RFNG: variants seen among roughly 807,000 people sequenced by gnomAD.
RFNG encodes beta-1,3-N-acetylglucosaminyltransferase radical fringe.
Under a neutral mutation model 29.6 loss-of-function variants are expected in RFNG, and 37 were observed. That is an observed-to-expected ratio of 1.25 (90% CI 0.96 to 1.65). RFNG has a LOEUF of 1.65. Among genes scored for constraint, RFNG ranks in the 40% most tolerant of loss-of-function variants. The pLI, the probability that RFNG is intolerant of heterozygous loss-of-function variation, is 0.00. For synonymous variants in RFNG, 276 were observed against 197.3 expected (o/e 1.40, Z -3.34); for missense variants, 546 against 457.0 (o/e 1.19, Z -1.78).
Position 82,049,753 on chromosome 17 carries a change from C to A in RFNG, c.752G>T (p.Arg251Leu). 2.0e-6 allele frequency: 3 copies of A among 1,521,600 alleles called. No individual in the cohort carries two copies. The highest frequency in any genetic ancestry group is 2.7e-5 in the South Asian group (2 of 75,368). 94.3% of individuals were successfully genotyped at this position (1,521,600 alleles called of 1,614,324 possible). A position where few individuals can be genotyped will look rare whatever the true frequency, so the allele number is the denominator to read the frequency against. Residue 251 changes from arginine (R) to leucine (L), a missense_variant, in exon 6 of 8, where the codon CGC becomes CTC. Physicochemically the swap from Arg to Leu is moderately radical, Grantham distance 102. Transcript: ENST00000310496. ...GYIVEGLLGA[R>L]LLHSPLFHSH... The stretch of plus-strand genomic sequence containing the variant: ...GTGGAAGAGGGGGCTGTGCAGCAGG[C>A]GGGCGCCCAGGAGCCCCTCCACGAT...
chr17:82,050,281 G>T, intron 4 of RFNG, 121 bp downstream of exon 4: 2 of 1,204,876 alleles, frequency 1.7e-6, no homozygotes, highest in South Asian at 1.5e-5. Context: ...CACCTGGGTG[G>T]ATCAGCTTGG....
Position 82,049,809 on chromosome 17 carries a change from C to T in RFNG, c.696G>A (p.Val232=), listed in dbSNP as rs2030166850. Residue 232 remains valine, a synonymous_variant, in exon 6 of 8, where the codon GTG becomes GTA. Coordinates refer to ENST00000310496, the MANE Select transcript of RFNG (RefSeq NM_002917.2). Reference sequence around the variant, plus strand: ...CAACTGTGCAGTCATCCGGCAGCCGCACCTGCTCAGCTGTGCTCATGAAGC... The same window carrying T: ...CAACTGTGCAGTCATCCGGCAGCCGTACCTGCTCAGCTGTGCTCATGAAGC... ...LGSFMSTAEQ[V]RLPDDCTVGY... 1.9e-6 allele frequency: 3 copies of T among 1,559,794 alleles called. No homozygotes were observed. Among genetic ancestry groups the T allele is most frequent in the African/African-American group, 1.4e-5 (1 of 72,782 alleles).
rs1483070373 is a variant in RFNG, at chr17:82,049,040, T to A, written c.905A>T (p.Asp302Val). ...NVAGGFSLHQ[D>V]PTRFKSIHCL... Reference sequence around the variant, plus strand: ...GCCACTACCTACTCACCGTGTGGGGTCTTGATGCAGGCTGAAGCCTCCAGC... The same window carrying A: ...GCCACTACCTACTCACCGTGTGGGGACTTGATGCAGGCTGAAGCCTCCAGC... Residue 302 changes from aspartate (D) to valine (V), a missense_variant, in exon 7 of 8, where the codon GAC becomes GTC. Physicochemically the swap from Asp to Val is radical, Grantham distance 152. Coordinates refer to ENST00000310496, the MANE Select transcript of RFNG (RefSeq NM_002917.2). The A allele has an allele frequency of 1.2e-6, 2 of 1,613,136 alleles. No homozygotes were observed. Among genetic ancestry groups the A allele is most frequent in the Non-Finnish European group, 1.7e-6 (2 of 1,179,868 alleles).
rs1282102564 is a variant in RFNG at position 82,051,625 on chromosome 17, A to C, written c.142T>G (p.Ser48Ala). The C allele has an allele frequency of 1.4e-5, 15 of 1,096,632 alleles. No homozygotes were observed. In the East Asian group the frequency reaches 1.4e-4, roughly 10 times the overall value. 67.9% of individuals were successfully genotyped at this position (1,096,632 alleles called of 1,614,324 possible). A position where few individuals can be genotyped will look rare whatever the true frequency, so the allele number is the denominator to read the frequency against. Residue 48 changes from serine to alanine, a missense_variant, in exon 1 of 8, where the codon TCC becomes GCC. By Grantham distance (99) the Ser-to-Ala change is moderately conservative. Transcript: ENST00000310496. The surrounding 1 kb of genome is among the most constrained non-coding windows in gnomAD (Gnocchi z 4.1). ...TPAPAPRAPP[S>A]RPAAPSLRPD... The stretch of plus-strand genomic sequence containing the variant: ...CGCAGGCTGGGGGCAGCGGGCCGGG[A>C]CGGGGGCGCGCGCGGGGCCGGGGCG...
chr17:82,049,859 C>G lies in RFNG; in HGVS notation c.663-17G>C. 1 of 1,610,216 alleles carries G rather than the reference C, an allele frequency of 6.2e-7. No homozygotes were observed. The highest frequency in any genetic ancestry group is 8.5e-7 in the Non-Finnish European group (1 of 1,178,544). The stretch of plus-strand genomic sequence containing the variant: ...CTGCCCAGGCTGGGGGGAGGCCGGT[C>G]AGCACCTTTCAGGTCTCAGCCTCCG... On this transcript the variant is annotated splice_polypyrimidine_tract_variant and intron_variant, in intron 5 of 7. Transcript: ENST00000310496.
In RFNG at chr17:82,051,664, G is replaced by C. The variant is rs985878626; in HGVS notation, c.103C>G (p.Pro35Ala). Residue 35 changes from proline (P) to alanine (A), a missense_variant, in exon 1 of 8, where the codon CCG (proline) becomes GCG (alanine). Transcript: ENST00000310496. The surrounding 1 kb of genome is among the most constrained non-coding windows in gnomAD (Gnocchi z 4.1). ...LPLPLPRAPA[P>A]ARTPAPAPRA... ...GGGGCCGGGGCGGGGGTCCGGGCCG[G>C]GGCGGGCGCGCGGGGCAGCGGCAGC... 6.0e-6 allele frequency: 6 copies of C among 1,003,472 alleles called. No individual in the cohort carries two copies. The African/African-American group carries it at 1.1e-4, about 18-fold the overall frequency. The allele number at this position is 1,003,472 out of a possible 1,614,324, so 62.2% of individuals were successfully genotyped here.
In RFNG at chr17:82,051,533, C is replaced by T. The variant is rs1234816257; in HGVS notation, c.234G>A (p.Leu78=). 7.1e-7 allele frequency: 1 copy of T among 1,399,526 alleles called. No individual in the cohort carries two copies. Among genetic ancestry groups the T allele is most frequent in the Non-Finnish European group, 9.3e-7 (1 of 1,072,468 alleles). The allele number at this position is 1,399,526 out of a possible 1,614,324, so 86.7% of individuals were successfully genotyped here. ...RKNHGPRLRL[L]LRTWISRARQ... is the part of the protein sequence containing the mutation. ...GGGCCCGGGAGATCCAGGTGCGCAG[C>T]AGCAGCCGCAGGCGCGGCCCGTGGT... is the stretch of plus-strand genomic sequence containing the variant. The change falls in exon 1 of 8, where the codon CTG becomes CTA. Residue 78 remains leucine, a synonymous_variant. Coordinates refer to ENST00000310496, the MANE Select transcript of RFNG (RefSeq NM_002917.2). The surrounding 1 kb of genome is among the most constrained non-coding windows in gnomAD (Gnocchi z 4.1).
rs2030060189 is a variant in RFNG at position 82,048,439 on chromosome 17, G to A, written c.*287C>T. The A allele has an allele frequency of 2.1e-6, 1 of 467,644 alleles. No individual in the cohort carries two copies. Among genetic ancestry groups the A allele is most frequent in the South Asian group, 2.3e-5 (1 of 43,460 alleles). 29.0% of individuals were successfully genotyped at this position (467,644 alleles called of 1,614,324 possible). ...GCTCCCTCCCAGGTGCGCAAGTGCT[G>A]GGGTGGAAGCCTGTTCCCGTGGGAT... On this transcript the variant is annotated 3_prime_UTR_variant, in exon 8 of 8. Coordinates refer to ENST00000310496, the MANE Select transcript of RFNG (RefSeq NM_002917.2).
chr17:82,048,548 A>G lies in RFNG; in HGVS notation c.*178T>C. 1.6e-6 allele frequency: 1 copy of G among 614,260 alleles called. No individual in the cohort carries two copies. The highest frequency in any genetic ancestry group is 2.9e-6 in the Non-Finnish European group (1 of 344,912). 38.1% of individuals were successfully genotyped at this position (614,260 alleles called of 1,614,324 possible). ...TCTTCGTTCTCCCAAAACACCCATC[A>G]CCGCAGCCCACCAGGGGCTGGGAGA... On this transcript the variant is annotated 3_prime_UTR_variant, in exon 8 of 8. Coordinates refer to ENST00000310496, the MANE Select transcript of RFNG (RefSeq NM_002917.2).
In RFNG at chr17:82,049,740, G is replaced by A. The variant is rs778137218; in HGVS notation, c.765C>T (p.Ser255=). ...EGLLGARLLH[S]PLFHSHLENL... ...TCTCCAGGTGAGAGTGGAAGAGGGG[G>A]CTGTGCAGCAGGCGGGCGCCCAGGA... Residue 255 remains serine (S), a synonymous_variant, in exon 6 of 8, where the codon AGC becomes AGT. Coordinates refer to ENST00000310496, the MANE Select transcript of RFNG (RefSeq NM_002917.2). 9.9e-6 allele frequency: 15 copies of A among 1,518,670 alleles called. No individual in the cohort carries two copies. The African/African-American group carries it at 1.5e-4, about 16-fold the overall frequency. The allele number at this position is 1,518,670 out of a possible 1,614,324, so 94.1% of individuals were successfully genotyped here.
chr17:82,048,836 C>G (rs778706831), intron 7 of RFNG, 29 bp from the exon 8 acceptor site: 21 of 1,592,022 alleles, frequency 1.3e-5, no homozygotes, highest in Middle Eastern at 1.7e-4. Flanking sequence ...GGGGTCAGGG[C>G]CGTGGGCGGA....
In RFNG at chr17:82,051,170, C is replaced by A; in HGVS notation, c.316+124G>T. On this transcript the variant is annotated intron_variant, in intron 2 of 7. Coordinates refer to ENST00000310496, the MANE Select transcript of RFNG (RefSeq NM_002917.2). The surrounding 1 kb of genome is among the most constrained non-coding windows in gnomAD (Gnocchi z 4.1). Reference sequence around the variant, plus strand: ...CCGCGTGACCTGGGCAGCGTCGGGGCCTCCCCGGGCCTCGGGAGCCTGGGC... The same window carrying A: ...CCGCGTGACCTGGGCAGCGTCGGGGACTCCCCGGGCCTCGGGAGCCTGGGC... 7.7e-7 allele frequency: 1 copy of A among 1,302,628 alleles called. No individual in the cohort carries two copies. The highest frequency in any genetic ancestry group is 4.0e-5 in the Admixed American group (1 of 24,974). The allele number at this position is 1,302,628 out of a possible 1,614,324, so 80.7% of individuals were successfully genotyped here.
Position 82,049,725 on chromosome 17 carries a change from A to C in RFNG, c.780T>G (p.Ser260=), listed in dbSNP as rs754903304. The change falls in exon 6 of 8, where the codon TCT becomes TCG. Residue 260 remains serine, a synonymous_variant. Coordinates refer to ENST00000310496, the MANE Select transcript of RFNG (RefSeq NM_002917.2). ...GCAGCCTCTGCAGGTTCTCCAGGTG[A>C]GAGTGGAAGAGGGGGCTGTGCAGCA... ...ARLLHSPLFH[S]HLENLQRLPP... is the part of the protein sequence containing the mutation. 1.3e-6 allele frequency: 2 copies of C among 1,511,640 alleles called. No individual in the cohort carries two copies. Among genetic ancestry groups the C allele is most frequent in the Middle Eastern group, 1.8e-4 (1 of 5,594 alleles). 93.6% of individuals were successfully genotyped at this position (1,511,640 alleles called of 1,614,324 possible).
rs372202403 is a variant in RFNG, at chr17:82,050,655, C to T, written c.419+7G>A. On this transcript the variant is annotated splice_region_variant and intron_variant, in intron 3 of 7. Coordinates refer to ENST00000310496, the MANE Select transcript of RFNG (RefSeq NM_002917.2). ...AGCTCTCTGCGGGTCGGGTCAGCGC[C>T]GCGTACTTGCGCCCGGACTCAATGA... is the stretch of plus-strand genomic sequence containing the variant. 2.9e-5 allele frequency: 47 copies of T among 1,612,756 alleles called. No individual in the cohort carries two copies. Among genetic ancestry groups the T allele is most frequent in the Middle Eastern group, 3.3e-4 (2 of 6,082 alleles).
Position 82,051,648 on chromosome 17 carries a change from G to C in RFNG, c.119C>G (p.Ala40Gly). ...PRAPAPARTP[A>G]PAPRAPPSRP... ...GGACGGGGGCGCGCGCGGGGCCGGG[G>C]CGGGGGTCCGGGCCGGGGCGGGCGC... Residue 40 changes from alanine (A) to glycine (G), a missense_variant, in exon 1 of 8, where the codon GCC (alanine) becomes GGC (glycine). By Grantham distance (60) the Ala-to-Gly change is moderately conservative. Transcript: ENST00000310496. The surrounding 1 kb of genome is among the most constrained non-coding windows in gnomAD (Gnocchi z 4.1). The C allele has an allele frequency of 1.3e-5, 14 of 1,051,888 alleles. No individual in the cohort carries two copies. The highest frequency in any genetic ancestry group is 1.6e-5 in the Non-Finnish European group (14 of 873,028). The allele number at this position is 1,051,888 out of a possible 1,614,324, so 65.2% of individuals were successfully genotyped here.
chr17:82,051,085 G>C lies in RFNG; in HGVS notation c.316+209C>G, dbSNP rs1295281540. The C allele has an allele frequency of 2.3e-5, 32 of 1,370,432 alleles. No homozygotes were observed. The highest frequency in any genetic ancestry group is 2.5e-5 in the Non-Finnish European group (27 of 1,067,560). 84.9% of individuals were successfully genotyped at this position (1,370,432 alleles called of 1,614,324 possible). ...GCACTAGCCCCACGCCCCGGGAAGCGGCTAGTGTGAGAGGCTGGTGGGGAG... is the reference window on the plus strand; with the variant it reads ...GCACTAGCCCCACGCCCCGGGAAGCCGCTAGTGTGAGAGGCTGGTGGGGAG... On this transcript the variant is annotated intron_variant, in intron 2 of 7. Transcript: ENST00000310496. This position sits in a 1 kb window ranked among gnomAD's most constrained non-coding sequence, Gnocchi z 4.1.
chr17:82,050,068 G>A (rs1210650725), intron 4 of RFNG, 62 bp from the exon 5 acceptor site: 4 of 1,381,140 alleles, frequency 2.9e-6, no homozygotes, highest in Non-Finnish European at 4.0e-6. Flanking sequence ...GACTCTTCAT[G>A]GGACTCCCCA....
chr17:82,050,105 G>A (rs996646093), intron 4 of RFNG, 99 bp from the exon 5 acceptor site: 38 of 1,074,170 alleles, frequency 3.5e-5, no homozygotes, highest in South Asian at 8.3e-5. Flanking sequence ...TGCCCCTTAG[G>A]AGATCCCACC....
At position 82,048,396 on chromosome 17, in the gene RFNG, A is replaced by C; in HGVS notation, c.*330T>G. The stretch of plus-strand genomic sequence containing the variant: ...CTAGCACCCGCCTTCAGCAACAGGT[A>C]ATGGAGCCCGGATGGCAGCTCCCTC... On this transcript the variant is annotated 3_prime_UTR_variant, in exon 8 of 8. Coordinates refer to ENST00000310496, the MANE Select transcript of RFNG (RefSeq NM_002917.2). The C allele has an allele frequency of 2.9e-6, 1 of 347,912 alleles. No homozygotes were observed. The highest frequency in any genetic ancestry group is 5.5e-6 in the Non-Finnish European group (1 of 181,882). 21.6% of individuals were successfully genotyped at this position (347,912 alleles called of 1,614,324 possible). A position where few individuals can be genotyped will look rare whatever the true frequency, so the allele number is the denominator to read the frequency against.
Sources: allele counts gnomAD v4.1 joint callset, GRCh38; gene constraint gnomAD v4.1.1; non-coding constraint Gnocchi (gnomAD v3.1); transcripts MANE v1.5; gene names NCBI Gene and HGNC (gene_info 2026-07-23, HGNC 2026-07-21).